Variants in FOXE1 observed in about 807,000 individuals in gnomAD.
The protein encoded by FOXE1 is forkhead box protein E1.
FOXE1 carries 4 observed loss-of-function variants against 2.1 expected under a neutral mutation model. The observed-to-expected ratio is 1.91, with a 90% CI of 0.94 to 4.37. The LOEUF (loss-of-function observed/expected upper bound fraction) is 4.37, where lower values mean the gene tolerates loss of function less well. FOXE1 is among the 30% of genes most tolerant of loss of function. The pLI, the probability that FOXE1 is intolerant of heterozygous loss-of-function variation, is 0.01. For missense variants in FOXE1, 574 were observed against 583.3 expected (o/e 0.98, Z 0.16); for synonymous variants, 277 against 272.4 (o/e 1.02, Z -0.17).
rs1185484376 is a variant in FOXE1, at chr9:97,854,610, C to T, written c.696C>T (p.Leu232=). ...TCGGCCTGGTTCCTGAGCGGCCGCT[C>T]AGCCCAGAGCTGGGGCCCGCACCGT... is the stretch of plus-strand genomic sequence containing the variant. ...RVFGLVPERP[L]SPELGPAPSG... The change falls in exon 1 of 1, where the codon CTC becomes CTT. Residue 232 remains leucine (L), a synonymous_variant. Coordinates refer to ENST00000375123, the MANE Select transcript of FOXE1 (RefSeq NM_004473.4). 5.9e-6 allele frequency: 8 copies of T among 1,363,896 alleles called. No individual in the cohort carries two copies. The highest frequency in any genetic ancestry group is 1.7e-5 in the South Asian group (1 of 57,582). 84.5% of individuals were successfully genotyped at this position (1,363,896 alleles called of 1,614,324 possible).
rs1438380700 is a variant in FOXE1 at position 97,854,562 on chromosome 9, G to A, written c.648G>A (p.Ala216=). The change falls in exon 1 of 1, where the codon GCG becomes GCA. Residue 216 remains alanine, a synonymous_variant. Transcript: ENST00000375123. ...CGCCTCCAGTCTACTACCCCGCGGC[G>A]TCGCCCGGCCCTTGCCGCGTCTTCG... ...AAPPPVYYPA[A]SPGPCRVFGL... is the part of the protein sequence containing the mutation. 7.6e-7 allele frequency: 1 copy of A among 1,313,672 alleles called. No homozygotes were observed. The highest frequency in any genetic ancestry group is 9.6e-7 in the Non-Finnish European group (1 of 1,038,998). 81.4% of individuals were successfully genotyped at this position (1,313,672 alleles called of 1,614,324 possible). A position where few individuals can be genotyped will look rare whatever the true frequency, so the allele number is the denominator to read the frequency against.
chr9:97,855,007 G>A lies in FOXE1; in HGVS notation c.1093G>A (p.Gly365Arg), dbSNP rs752573832. ...HARHAAAYPG[G>R]IDRFVSAM ...TCGCCATGCTGCCGCTTATCCCGGT[G>A]GGATAGATCGGTTCGTGTCCGCCAT... The change falls in exon 1 of 1, where the codon GGG (glycine) becomes AGG (arginine). Residue 365 changes from glycine (G) to arginine (R), a missense_variant. Around this residue, in one of 3 missense-constraint regions of FOXE1, gnomAD observed 316 missense variants for 288.4 expected, o/e 1.10. Transcript: ENST00000375123. 2.5e-6 allele frequency: 4 copies of A among 1,610,274 alleles called. No homozygotes were observed. The Admixed American group carries it at 6.7e-5, about 27-fold the overall frequency.
In FOXE1 at chr9:97,854,918, C is replaced by T. The variant is rs543372757; in HGVS notation, c.1004C>T (p.Ala335Val). The T allele has an allele frequency of 1.3e-6, 2 of 1,599,882 alleles. No homozygotes were observed. The highest frequency in any genetic ancestry group is 2.2e-5 in the East Asian group (1 of 44,836). The change falls in exon 1 of 1, where the codon GCG becomes GTG. Residue 335 changes from alanine (A) to valine (V), a missense_variant. Physicochemically the swap from Ala to Val is moderately conservative, Grantham distance 64 (BLOSUM62 0). Around this residue, in one of 3 missense-constraint regions of FOXE1, gnomAD observed 316 missense variants for 288.4 expected, o/e 1.10. Coordinates refer to ENST00000375123, the MANE Select transcript of FOXE1 (RefSeq NM_004473.4). ...CGCACGTCGCCCGGCCAGTTCGGAGCGCTGGGAGCCTGCTACAACCCTGGC... is the reference window on the plus strand; with the variant it reads ...CGCACGTCGCCCGGCCAGTTCGGAGTGCTGGGAGCCTGCTACAACCCTGGC... ...YGRTSPGQFG[A>V]LGACYNPGGQ...
At position 97,854,825 on chromosome 9, in the gene FOXE1, C is replaced by T. The variant is rs775827100; in HGVS notation, c.911C>T (p.Ala304Val). 13 of 1,537,928 alleles carry T rather than the reference C, an allele frequency of 8.5e-6. No homozygotes were observed. In the East Asian group the frequency reaches 2.4e-4, roughly 29 times the overall value. ...SAIFAAAGRL[A>V]GPASPPAGGS... ...ATCTTTGCCGCTGCTGGCCGCCTGGCGGGACCCGCTTCGCCCCCAGCGGGC... is the reference window on the plus strand; with the variant it reads ...ATCTTTGCCGCTGCTGGCCGCCTGGTGGGACCCGCTTCGCCCCCAGCGGGC... Residue 304 changes from alanine to valine, a missense_variant, in exon 1 of 1, where the codon GCG (alanine) becomes GTG (valine). Around this residue, in one of 3 missense-constraint regions of FOXE1, gnomAD observed 316 missense variants for 288.4 expected, o/e 1.10. Transcript: ENST00000375123.
At position 97,856,581 on chromosome 9, in the gene FOXE1, CA is replaced by C. The variant is rs1830672992; in HGVS notation, c.*1546del. The C allele has an allele frequency of 6.0e-6, 1 of 167,160 alleles. No homozygotes were observed. The highest frequency in any genetic ancestry group is 1.9e-4 in the East Asian group (1 of 5,190). The allele number at this position is 167,160 out of a possible 1,614,324, so 10.4% of individuals were successfully genotyped here. A position where few individuals can be genotyped will look rare whatever the true frequency, so the allele number is the denominator to read the frequency against. On this transcript the variant is annotated 3_prime_UTR_variant, in exon 1 of 1. Transcript: ENST00000375123. ...ATTTTTGGGACTGCACTATCCTGTT[CA>C]CGAAGACATGTGAACTTGGTTCAGT...
At position 97,853,778 on chromosome 9, in the gene FOXE1, G is replaced by A. The variant is rs1274356604; in HGVS notation, c.-137G>A. On this transcript the variant is annotated 5_prime_UTR_variant, in exon 1 of 1. Coordinates refer to ENST00000375123, the MANE Select transcript of FOXE1 (RefSeq NM_004473.4). ...AGCGCGTGCCAGCCTGGGCCGCTGG[G>A]CTCTCGGGGCCAGCCCGCGACGATC... The A allele has an allele frequency of 2.6e-6, 2 of 762,990 alleles. No homozygotes were observed. The highest frequency in any genetic ancestry group is 3.5e-6 in the Non-Finnish European group (2 of 567,320). 47.3% of individuals were successfully genotyped at this position (762,990 alleles called of 1,614,324 possible). A position where few individuals can be genotyped will look rare whatever the true frequency, so the allele number is the denominator to read the frequency against.
In FOXE1 at chr9:97,855,271, A is replaced by T. The variant is rs2131487412; in HGVS notation, c.*235A>T. 4.8e-6 allele frequency: 3 copies of T among 625,998 alleles called. No individual in the cohort carries two copies. The highest frequency in any genetic ancestry group is 2.8e-5 in the East Asian group (1 of 35,866). 38.8% of individuals were successfully genotyped at this position (625,998 alleles called of 1,614,324 possible). A position where few individuals can be genotyped will look rare whatever the true frequency, so the allele number is the denominator to read the frequency against. On this transcript the variant is annotated 3_prime_UTR_variant, in exon 1 of 1. Coordinates refer to ENST00000375123, the MANE Select transcript of FOXE1 (RefSeq NM_004473.4). ...GGACTGGCACAGGGACCCTCGATGGAGCGAAGCCCTCAAACGGGATGCTTT... is the reference window on the plus strand; with the variant it reads ...GGACTGGCACAGGGACCCTCGATGGTGCGAAGCCCTCAAACGGGATGCTTT...
rs1830664466 is a variant in FOXE1 at position 97,855,773 on chromosome 9, A to G, written c.*737A>G. On this transcript the variant is annotated 3_prime_UTR_variant, in exon 1 of 1. Coordinates refer to ENST00000375123, the MANE Select transcript of FOXE1 (RefSeq NM_004473.4). Reference sequence around the variant, plus strand: ...ATGCTGCCCTGCGTATTTGGCAGCAATGGTGGGCCACCCAGGGCCTCTGAG... The same window carrying G: ...ATGCTGCCCTGCGTATTTGGCAGCAGTGGTGGGCCACCCAGGGCCTCTGAG... The G allele has an allele frequency of 6.0e-6, 1 of 167,108 alleles. No individual in the cohort carries two copies. Among genetic ancestry groups the G allele is most frequent in the South Asian group, 2.1e-4 (1 of 4,828 alleles). 10.4% of individuals were successfully genotyped at this position (167,108 alleles called of 1,614,324 possible). A position where few individuals can be genotyped will look rare whatever the true frequency, so the allele number is the denominator to read the frequency against.
In FOXE1 at chr9:97,854,773, G is replaced by C. The variant is rs1417367716; in HGVS notation, c.859G>C (p.Ala287Pro). 6.6e-7 allele frequency: 1 copy of C among 1,507,884 alleles called. No individual in the cohort carries two copies. The highest frequency in any genetic ancestry group is 2.1e-5 in the Admixed American group (1 of 47,046). The allele number at this position is 1,507,884 out of a possible 1,614,324, so 93.4% of individuals were successfully genotyped here. A position where few individuals can be genotyped will look rare whatever the true frequency, so the allele number is the denominator to read the frequency against. ...GGCTGCCTACGCGGGCCCCGACGGC[G>C]CGTACCCGCAGGGCGCCGGCAGTGC... is the stretch of plus-strand genomic sequence containing the variant. ...YAAAYAGPDGAYPQGAGSAIF... is the reference protein window; with the variant it reads ...YAAAYAGPDGPYPQGAGSAIF... Residue 287 changes from alanine to proline, a missense_variant, in exon 1 of 1, where the codon GCG becomes CCG. Ala to Pro is a conservative substitution (Grantham distance 27). Transcript: ENST00000375123.
chr9:97,855,161 A>G lies in FOXE1; in HGVS notation c.*125A>G. ...ACGTGGAAAAGACCGAGCAGGCCAC[A>G]GAGGCTCGGTCTCCCCGCGCACAGC... On this transcript the variant is annotated 3_prime_UTR_variant, in exon 1 of 1. Transcript: ENST00000375123. The G allele has an allele frequency of 8.1e-7, 1 of 1,240,708 alleles. No homozygotes were observed. Among genetic ancestry groups the G allele is most frequent in the Non-Finnish European group, 1.2e-6 (1 of 865,708 alleles). 76.9% of individuals were successfully genotyped at this position (1,240,708 alleles called of 1,614,324 possible).
Position 97,854,305 on chromosome 9 carries a change from C to T in FOXE1, c.391C>T (p.Pro131Ser). 3 of 1,610,694 alleles carry T rather than the reference C, an allele frequency of 1.9e-6. No homozygotes were observed. The highest frequency in any genetic ancestry group is 2.5e-6 in the Non-Finnish European group (3 of 1,178,636). ...PGKGNYWALD[P>S]NAEDMFESGS... is the part of the protein sequence containing the mutation. ...TAAGGGCAACTACTGGGCGCTTGAC[C>T]CCAACGCGGAGGACATGTTCGAGAG... is the stretch of plus-strand genomic sequence containing the variant. The change falls in exon 1 of 1, where the codon CCC (proline) becomes TCC (serine). Residue 131 changes from proline to serine, a missense_variant. Physicochemically the swap from Pro to Ser is moderately conservative, Grantham distance 74 (BLOSUM62 -1). Transcript: ENST00000375123.
In FOXE1 at chr9:97,853,970, A is replaced by T. The variant is rs1830625419; in HGVS notation, c.56A>T (p.Lys19Met). 7.5e-7 allele frequency: 1 copy of T among 1,325,626 alleles called. No individual in the cohort carries two copies. Among genetic ancestry groups the T allele is most frequent in the Non-Finnish European group, 9.6e-7 (1 of 1,042,794 alleles). 82.1% of individuals were successfully genotyped at this position (1,325,626 alleles called of 1,614,324 possible). Reference sequence around the variant, plus strand: ...CAGCCGGAGGTGCTGGCTACCGTGAAGGAAGAGCGCGGCGAGACGGCAGCA... The same window carrying T: ...CAGCCGGAGGTGCTGGCTACCGTGATGGAAGAGCGCGGCGAGACGGCAGCA... ...PPQPEVLATV[K>M]EERGETAAGA... Residue 19 changes from lysine to methionine, a missense_variant, in exon 1 of 1, where the codon AAG (lysine) becomes ATG (methionine). By Grantham distance (95) the Lys-to-Met change is moderately conservative. Around this residue, in one of 3 missense-constraint regions of FOXE1, gnomAD observed 249 missense variants for 269.6 expected, o/e 0.92. Coordinates refer to ENST00000375123, the MANE Select transcript of FOXE1 (RefSeq NM_004473.4).
Position 97,854,932 on chromosome 9 carries a change from T to C in FOXE1, c.1018T>C (p.Tyr340His). The change falls in exon 1 of 1, where the codon TAC (tyrosine) becomes CAC (histidine). Residue 340 changes from tyrosine (Y) to histidine (H), a missense_variant. Tyr to His is a moderately conservative substitution (Grantham distance 83). This residue lies in a region of FOXE1 where 316 missense variants were observed against 288.4 expected (regional missense o/e 1.10). Transcript: ENST00000375123. ...CCAGTTCGGAGCGCTGGGAGCCTGC[T>C]ACAACCCTGGCGGGCAGCTCGGAGG... The part of the protein sequence containing the change: ...PGQFGALGAC[Y>H]NPGGQLGGAS... The C allele has an allele frequency of 6.2e-7, 1 of 1,601,522 alleles. No homozygotes were observed. The highest frequency in any genetic ancestry group is 8.5e-7 in the Non-Finnish European group (1 of 1,179,836).
In FOXE1 at chr9:97,853,881, G is replaced by A. The variant is rs1830623563; in HGVS notation, c.-34G>A. The A allele has an allele frequency of 1.6e-6, 2 of 1,257,542 alleles. No homozygotes were observed. Among genetic ancestry groups the A allele is most frequent in the South Asian group, 3.2e-5 (1 of 31,388 alleles). 77.9% of individuals were successfully genotyped at this position (1,257,542 alleles called of 1,614,324 possible). On this transcript the variant is annotated 5_prime_UTR_variant, in exon 1 of 1. Transcript: ENST00000375123. ...GCCCCCGCCCCCCGACAGCCGCGGG[G>A]ATCCAGAGCCCGGGGGTGCGGGACG... is the stretch of plus-strand genomic sequence containing the variant.
chr9:97,856,437 C>G lies in FOXE1; in HGVS notation c.*1401C>G, dbSNP rs1042729251. On this transcript the variant is annotated 3_prime_UTR_variant, in exon 1 of 1. Transcript: ENST00000375123. ...TCAGATGGACTGTTTTAATAAAAAT[C>G]TTTGAGCAAGTGAGTTATGGCAAGA... The G allele has an allele frequency of 6.0e-6, 1 of 167,060 alleles. No homozygotes were observed. The highest frequency in any genetic ancestry group is 2.4e-5 in the African/African-American group (1 of 41,464). The allele number at this position is 167,060 out of a possible 1,614,324, so 10.3% of individuals were successfully genotyped here.
At position 97,855,027 on chromosome 9, in the gene FOXE1, C is replaced by T. The variant is rs780138645; in HGVS notation, c.1113C>T (p.Ser371=). The T allele has an allele frequency of 6.2e-7, 1 of 1,611,886 alleles. No homozygotes were observed. ...AYPGGIDRFV[S]AM ...CCGGTGGGATAGATCGGTTCGTGTC[C>T]GCCATGTGAGCCAGCGTAGGGACGA... The change falls in exon 1 of 1, where the codon TCC becomes TCT. Residue 371 remains serine (S), a synonymous_variant. Transcript: ENST00000375123.
chr9:97,855,373 A>C lies in FOXE1; in HGVS notation c.*337A>C. On this transcript the variant is annotated 3_prime_UTR_variant, in exon 1 of 1. Transcript: ENST00000375123. ...GTCAACACCAGAGACCAGGATCCAA[A>C]TTGTGGGGAATCAGTTTCAGCCTTC... 2.3e-6 allele frequency: 1 copy of C among 427,666 alleles called. No individual in the cohort carries two copies. Among genetic ancestry groups the C allele is most frequent in the Middle Eastern group, 6.9e-4 (1 of 1,454 alleles). The allele number at this position is 427,666 out of a possible 1,614,324, so 26.5% of individuals were successfully genotyped here. A position where few individuals can be genotyped will look rare whatever the true frequency, so the allele number is the denominator to read the frequency against.
rs1387801939 is a variant in FOXE1 at position 97,855,309 on chromosome 9, C to T, written c.*273C>T. 5.2e-6 allele frequency: 3 copies of T among 576,942 alleles called. No individual in the cohort carries two copies. Among genetic ancestry groups the T allele is most frequent in the Admixed American group, 6.0e-5 (2 of 33,502 alleles). 35.7% of individuals were successfully genotyped at this position (576,942 alleles called of 1,614,324 possible). A position where few individuals can be genotyped will look rare whatever the true frequency, so the allele number is the denominator to read the frequency against. On this transcript the variant is annotated 3_prime_UTR_variant, in exon 1 of 1. Transcript: ENST00000375123. ...AACGGGATGCTTTCTGGTATTCTAT[C>T]GGGGAGGGTCCTTGGCGGTAACCAG...
chr9:97,854,310 C>T lies in FOXE1; in HGVS notation c.396C>T (p.Asn132=), dbSNP rs765412740. ...GCAACTACTGGGCGCTTGACCCCAA[C>T]GCGGAGGACATGTTCGAGAGCGGCA... ...GKGNYWALDP[N]AEDMFESGSF... Residue 132 remains asparagine, a synonymous_variant, in exon 1 of 1, where the codon AAC becomes AAT. Coordinates refer to ENST00000375123, the MANE Select transcript of FOXE1 (RefSeq NM_004473.4). 31 of 1,610,640 alleles carry T rather than the reference C, an allele frequency of 1.9e-5. No individual in the cohort carries two copies. Among genetic ancestry groups the T allele is most frequent in the East Asian group, 4.5e-5 (2 of 44,666 alleles).
Sources: allele counts gnomAD v4.1 joint callset, GRCh38; gene constraint gnomAD v4.1.1; regional missense constraint gnomAD v4.1.1; transcripts MANE v1.5; gene names NCBI Gene and HGNC (gene_info 2026-07-23, HGNC 2026-07-21).